The following AKAP6 variants were observed in gnomAD, a reference collection of about 807,000 sequenced individuals.
The protein encoded by AKAP6 is A-kinase anchoring protein 6.
AKAP6 carries 58 observed loss-of-function variants against 188.5 expected under a neutral mutation model. That is an observed-to-expected ratio of 0.31 (90% CI 0.25 to 0.38). The LOEUF is 0.38. Among genes scored for constraint, AKAP6 ranks in the 10% least tolerant of loss-of-function variants. The pLI is 1.00. For missense variants in AKAP6, 2,710 were observed against 2,740.0 expected (o/e 0.99, Z 0.24); for synonymous variants, 989 against 998.6 (o/e 0.99, Z 0.18).
In AKAP6 at chr14:32,674,114, T is replaced by C. The variant is rs367964547; in HGVS notation, c.2731-4197T>C. On this transcript the variant is annotated intron_variant, in intron 7 of 13. Coordinates refer to ENST00000280979, the MANE Select transcript of AKAP6 (RefSeq NM_004274.5). ...TGTTCCAGTGAAAGGGAACAATACGTGCAAAGGTCCTGAGGCAAGAAAGGG... is the reference window on the plus strand; with the variant it reads ...TGTTCCAGTGAAAGGGAACAATACGCGCAAAGGTCCTGAGGCAAGAAAGGG... Among the ~76,000 whole-genome samples the C allele has an allele frequency of 2.0e-4, 31 of 152,228 alleles. No individual in the cohort carries two copies. In the South Asian group the frequency reaches 6.4e-3, roughly 32 times the overall value.
chr14:32,551,074 A>G (rs925162077), intron 4 of AKAP6, among the ~76,000 whole-genome samples: 2 of 152,156 alleles, frequency 1.3e-5, no homozygotes, highest in African/African-American at 2.4e-5. Context: ...CCTCTCTGAC[A>G]TCCTTTCCAA....
chr14:32,559,901 TA>T (rs1232240022), intron 4 of AKAP6, among the ~76,000 whole-genome samples: 1 of 150,842 alleles, frequency 6.6e-6, no homozygotes, highest in East Asian at 2.0e-4. Flanking sequence ...AGACATGTGG[TA>T]AAAGGGTCTG....
rs369659089 is a variant in AKAP6, at chr14:32,611,825, T to C, written c.2730+11033T>C. ...GTGAAAAAGGGACACTTGAAGAAGA[T>C]AGTTTCAGGGACAAGAAAGATGGAT... On this transcript the variant is annotated intron_variant, in intron 7 of 13. Coordinates refer to ENST00000280979, the MANE Select transcript of AKAP6 (RefSeq NM_004274.5). Among the ~76,000 whole-genome samples, 71 of 152,226 alleles carry C rather than the reference T, an allele frequency of 4.7e-4. 1 individual carries two copies. The South Asian group carries it at 0.015, about 32-fold the overall frequency.
chr14:32,807,341 AG>A lies in AKAP6; in HGVS notation c.3589-14060del, dbSNP rs1363107781. 2.3e-3 allele frequency among the ~76,000 whole-genome samples: 340 copies of A among 150,994 alleles called. 3 individuals carry two copies. Among genetic ancestry groups the A allele is most frequent in the African/African-American group, 7.5e-3 (308 of 40,976 alleles). On this transcript the variant is annotated intron_variant, in intron 12 of 13. Coordinates refer to ENST00000280979, the MANE Select transcript of AKAP6 (RefSeq NM_004274.5). ...ACCATGTCTCAAAAAAAAAAAAAAAAGATTTAAATTTCACTCATTTTATGTG... is the reference window on the plus strand; with the variant it reads ...ACCATGTCTCAAAAAAAAAAAAAAAAATTTAAATTTCACTCATTTTATGTG...
At chr14:32,716,848 C>T (rs536619119) in intron 9 of AKAP6, among the ~76,000 whole-genome samples, 43 of 151,866 alleles carry the variant, frequency 2.8e-4, no homozygotes, top group Non-Finnish European at 5.2e-4. Flanking sequence ...GCTTTCACAT[C>T]GGTAGCAAAC....
At chr14:32,565,016 T>G (rs1884123422) in intron 4 of AKAP6, among the ~76,000 whole-genome samples, 1 of 152,188 alleles carries the variant, frequency 6.6e-6, no homozygotes, top group Non-Finnish European at 1.5e-5. Context: ...GACAACAGAA[T>G]GACGGACAGA....
chr14:32,527,106 C>G (rs1396573288), intron 2 of AKAP6, among the ~76,000 whole-genome samples: 1 of 152,214 alleles, frequency 6.6e-6, no homozygotes. Flanking sequence ...ATCCTCTTCT[C>G]TACTTAGTCT....
chr14:32,720,081 G>A (rs1189132585), intron 9 of AKAP6, among the ~76,000 whole-genome samples: 1 of 152,020 alleles, frequency 6.6e-6, no homozygotes, highest in Non-Finnish European at 1.5e-5. Context: ...AAAGATATGT[G>A]GTAACCTATG....
chr14:32,562,312 G>T (rs1883990166), intron 4 of AKAP6, among the ~76,000 whole-genome samples: 1 of 152,204 alleles, frequency 6.6e-6, no homozygotes, highest in Admixed American at 6.5e-5. Context: ...GTATGTGTGT[G>T]TGGGTGGGGA....
intron 1 of AKAP6, among the ~76,000 whole-genome samples, chr14:32,336,425 G>T (rs577605417): frequency 6.6e-6 from 1 of 152,116 alleles, no homozygotes; most frequent in African/African-American, 2.4e-5. Flanking sequence ...TTCACCAGTA[G>T]TCAACAATTG....
chr14:32,631,296 G>A lies in AKAP6; in HGVS notation c.2730+30504G>A, dbSNP rs552034485. On this transcript the variant is annotated intron_variant, in intron 7 of 13. Coordinates refer to ENST00000280979, the MANE Select transcript of AKAP6 (RefSeq NM_004274.5). ...TAAGATTAAGATTAGCACCACTTCT[G>A]TGCTTATGCAAACAAACTCATGATG... is the stretch of plus-strand genomic sequence containing the variant. Among the ~76,000 whole-genome samples, 240 of 152,054 alleles carry A rather than the reference G, an allele frequency of 1.6e-3. 3 individuals carry two copies. The highest frequency in any genetic ancestry group is 2.8e-3 in the Non-Finnish European group (189 of 67,908).
At chr14:32,579,651 A>G (rs1884878106) in intron 5 of AKAP6, among the ~76,000 whole-genome samples, 2 of 152,140 alleles carry the variant, frequency 1.3e-5, no homozygotes, top group Non-Finnish European at 2.9e-5. Flanking sequence ...CTGTGGCTCA[A>G]ACATCTTTCA....
chr14:32,523,430 G>A (rs17091653), intron 2 of AKAP6, among the ~76,000 whole-genome samples: 1,722 of 149,348 alleles, frequency 0.012, 38 homozygotes, highest in African/African-American at 0.04. Context: ...ACCAACTATC[G>A]AAAAAAGAAC....
chr14:32,569,680 G>A (rs999616012), intron 4 of AKAP6, among the ~76,000 whole-genome samples: 1 of 151,976 alleles, frequency 6.6e-6, no homozygotes, highest in Non-Finnish European at 1.5e-5. Context: ...TATATATGTT[G>A]GTAAATATGT....
intron 1 of AKAP6, among the ~76,000 whole-genome samples, chr14:32,347,446 G>T (rs1004466419): frequency 6.6e-6 from 1 of 152,058 alleles, no homozygotes; most frequent in Non-Finnish European, 1.5e-5. Flanking sequence ...ACCCACTTTC[G>T]GACTGTACAT....
At chr14:32,740,943 T>C (rs375400116) in intron 11 of AKAP6, among the ~76,000 whole-genome samples, 30 of 152,134 alleles carry the variant, frequency 2.0e-4, no homozygotes, top group African/African-American at 7.2e-4. Flanking sequence ...AATTTGTAGA[T>C]TGCTTTGGAT....
intron 12 of AKAP6, among the ~76,000 whole-genome samples, chr14:32,791,998 G>C (rs2033624805): frequency 6.6e-6 from 1 of 152,038 alleles, no homozygotes; most frequent in South Asian, 2.1e-4. Flanking sequence ...TTTGGTACCA[G>C]TACCATGCTG....
chr14:32,567,423 T>C (rs1304325652), intron 4 of AKAP6, among the ~76,000 whole-genome samples: 26 of 152,186 alleles, frequency 1.7e-4, no homozygotes, highest in Admixed American at 1.7e-3. Context: ...AGTACATTGG[T>C]TGAGTTGTTA....
Position 32,577,235 on chromosome 14 carries a change from C to T in AKAP6, c.2462C>T (p.Thr821Ile). ...EMDDLKLYLE[T>I]HLSFKLNVDS... ...GATGACCTTAAACTGTATCTGGAGA[C>T]ACACTTGGTAGGCAAGATTGTGTTG... The change falls in exon 5 of 14, where the codon ACA (threonine) becomes ATA (isoleucine). Residue 821 changes from threonine to isoleucine, a missense_variant. Around this residue, in one of 2 missense-constraint regions of AKAP6, gnomAD observed 2,473 missense variants for 2,426.1 expected, o/e 1.02. Coordinates refer to ENST00000280979, the MANE Select transcript of AKAP6 (RefSeq NM_004274.5). 1 of 1,609,524 alleles carries T rather than the reference C, an allele frequency of 6.2e-7. No individual in the cohort carries two copies. Among genetic ancestry groups the T allele is most frequent in the Non-Finnish European group, 8.5e-7 (1 of 1,178,472 alleles).
Sources: allele counts gnomAD v4.1 joint callset (sites outside exome capture counted in the v4.1 genomes callset), GRCh38; gene constraint gnomAD v4.1.1; regional missense constraint gnomAD v4.1.1; transcripts MANE v1.5; gene names NCBI Gene and HGNC (gene_info 2026-07-23, HGNC 2026-07-21).